Variants in CCDC126 observed in about 807,000 individuals in gnomAD.
CCDC126 encodes the protein coiled-coil domain containing 126.
Under a neutral mutation model 11.7 loss-of-function variants are expected in CCDC126, and 5 were observed. The ratio of observed to expected loss-of-function variants is 0.43; its 90% CI spans 0.22 to 0.90. The LOEUF is 0.90. Ranked by LOEUF, CCDC126 falls within the 40% of genes least tolerant of loss-of-function variation. The probability of loss-of-function intolerance (pLI) is 0.27; values close to 1 mark genes in which losing one functional copy is unlikely to be tolerated. For missense variants in CCDC126, 150 were observed against 163.1 expected (o/e 0.92, Z 0.44); for synonymous variants, 60 against 61.9 (o/e 0.97, Z 0.14).
chr7:23,619,869 A>G (rs1782860516), intron 3 of CCDC126, among the ~76,000 whole-genome samples: 1 of 151,490 alleles, frequency 6.6e-6, no homozygotes, highest in Admixed American at 6.6e-5. Flanking sequence ...GCTGAGAATG[A>G]TGGTTTCCAG....
At chr7:23,603,418 A>G (rs1782573765) in intron 2 of CCDC126, among the ~76,000 whole-genome samples, 2 of 152,258 alleles carry the variant, frequency 1.3e-5, no homozygotes, top group Non-Finnish European at 2.9e-5. Flanking sequence ...GCAAAAAAGA[A>G]CAAAACTTCA....
intron 3 of CCDC126, among the ~76,000 whole-genome samples, chr7:23,641,474 T>C (rs1783354769): frequency 6.6e-6 from 1 of 152,238 alleles, no homozygotes; most frequent in Non-Finnish European, 1.5e-5. Flanking sequence ...TTTTCTTGAT[T>C]AATGTCCTTT....
chr7:23,611,647 C>T, intron 3 of CCDC126, 94 bp downstream of exon 3: 1 of 817,664 alleles, frequency 1.2e-6, no homozygotes, highest in East Asian at 2.5e-5. Flanking sequence ...TAGGTCTTTG[C>T]AAAGTAATTT....
At chr7:23,633,473 A>G (rs893202243) in intron 3 of CCDC126, among the ~76,000 whole-genome samples, 31 of 152,116 alleles carry the variant, frequency 2.0e-4, no homozygotes, top group African/African-American at 9.7e-5. Context: ...TCTCTTTGCT[A>G]TGATATTTAG....
In CCDC126 at chr7:23,621,569, A is replaced by G. The variant is rs1367153694; in HGVS notation, c.238+10016A>G. ...CTCTTTTCCTAATTGAATACTCTTT[A>G]TTTCTTTCTCCTGCCTGATTGCCCT... is the stretch of plus-strand genomic sequence containing the variant. On this transcript the variant is annotated intron_variant, in intron 3 of 3. Coordinates refer to ENST00000307471, the MANE Select transcript of CCDC126 (RefSeq NM_138771.4). 2.6e-5 allele frequency among the ~76,000 whole-genome samples: 4 copies of G among 152,094 alleles called. No individual in the cohort carries two copies. In the South Asian group the frequency reaches 8.3e-4, roughly 32 times the overall value.
At chr7:23,625,139 T>C (rs1377782981) in intron 3 of CCDC126, among the ~76,000 whole-genome samples, 1 of 152,248 alleles carries the variant, frequency 6.6e-6, no homozygotes, top group African/African-American at 2.4e-5. Flanking sequence ...CTACTATGCC[T>C]GGCCTATTAT....
chr7:23,633,231 A>G (rs1783146446), intron 3 of CCDC126, among the ~76,000 whole-genome samples: 1 of 152,146 alleles, frequency 6.6e-6, no homozygotes, highest in Non-Finnish European at 1.5e-5. Context: ...ACCTCAGGTG[A>G]TCCGCCTGCC....
chr7:23,623,247 C>G (rs11769767), intron 3 of CCDC126, among the ~76,000 whole-genome samples: 27,805 of 151,542 alleles, frequency 0.18, 2,945 homozygotes, highest in Non-Finnish European at 0.25. Flanking sequence ...CAGGCATGAG[C>G]CACTGTGCCT....
intron 2 of CCDC126, among the ~76,000 whole-genome samples, chr7:23,605,212 G>A (rs1201427407): frequency 6.6e-6 from 1 of 152,142 alleles, no homozygotes; most frequent in Non-Finnish European, 1.5e-5. Flanking sequence ...GTTTTCCCTA[G>A]CATGGGTTTA....
chr7:23,612,692 A>G (rs1418128425), intron 3 of CCDC126, among the ~76,000 whole-genome samples: 4 of 152,038 alleles, frequency 2.6e-5, no homozygotes, highest in Non-Finnish European at 5.9e-5. Flanking sequence ...GTCTAAAAAA[A>G]TGACCTTCTT....
In CCDC126 at chr7:23,644,565, G is replaced by A. The variant is rs980514092; in HGVS notation, c.*1450G>A. The A allele has an allele frequency of 6.6e-6, 1 of 152,426 alleles. No homozygotes were observed. Among genetic ancestry groups the A allele is most frequent in the Non-Finnish European group, 1.5e-5 (1 of 67,954 alleles). The allele number at this position is 152,426 out of a possible 1,614,324, so 9.4% of individuals were successfully genotyped here. On this transcript the variant is annotated 3_prime_UTR_variant, in exon 4 of 4. Transcript: ENST00000307471. ...AAATCTCTCTTCTCTTCTCTGTACT[G>A]TCTACCTTTATGTGAAGAAATTAAT... is the stretch of plus-strand genomic sequence containing the variant.
At chr7:23,614,613 C>T (rs948070625) in intron 3 of CCDC126, among the ~76,000 whole-genome samples, 3 of 152,120 alleles carry the variant, frequency 2.0e-5, no homozygotes, top group Admixed American at 1.3e-4. Context: ...TCAGCTCTGG[C>T]CTTATGGAAT....
intron 3 of CCDC126, chr7:23,619,359 G>T: frequency 2.7e-6 from 1 of 368,836 alleles, no homozygotes. Context: ...ACACAAGGAA[G>T]TATGCAACCA....
In CCDC126 at chr7:23,608,697, C is replaced by G. The variant is rs375999103; in HGVS notation, c.-145-2474C>G. Among the ~76,000 whole-genome samples, 15 of 152,300 alleles carry G rather than the reference C, an allele frequency of 9.8e-5. No individual in the cohort carries two copies. In the East Asian group the frequency reaches 2.9e-3, roughly 29 times the overall value. ...TATCTGACTGCCCATCCTGTTAGAA[C>G]TGCCTAATGGTGGTTCTAATGGGTT... On this transcript the variant is annotated intron_variant, in intron 2 of 3. Coordinates refer to ENST00000307471, the MANE Select transcript of CCDC126 (RefSeq NM_138771.4).
intron 3 of CCDC126, chr7:23,622,438 A>AT: frequency 2.7e-6 from 1 of 371,008 alleles, no homozygotes; most frequent in South Asian, 2.1e-5. Context: ...CTCCTTTATC[A>AT]TTTTTTATTG....
chr7:23,617,280 G>A (rs987000087), intron 3 of CCDC126, among the ~76,000 whole-genome samples: 15 of 148,712 alleles, frequency 1.0e-4, no homozygotes, highest in African/African-American at 3.7e-4. Context: ...TCCAGGAGAC[G>A]GAGGTTGCAG....
chr7:23,625,649 A>ATTTTTT (rs34492140), intron 3 of CCDC126, among the ~76,000 whole-genome samples: 64 of 77,138 alleles, frequency 8.3e-4, no homozygotes, highest in African/African-American at 1.7e-3. Context: ...TATTTGACTG[A>ATTTTTT]TTTTTTTTTT....
At chr7:23,640,720 A>T (rs1270340228) in intron 3 of CCDC126, among the ~76,000 whole-genome samples, 1 of 152,156 alleles carries the variant, frequency 6.6e-6, no homozygotes, top group Middle Eastern at 3.2e-3. Context: ...TATTCTATAT[A>T]AGTGGAATTG....
intron 3 of CCDC126, among the ~76,000 whole-genome samples, chr7:23,630,397 G>A (rs987022137): frequency 4.6e-5 from 7 of 152,104 alleles, no homozygotes; most frequent in African/African-American, 1.4e-4. Flanking sequence ...TACTCAGGAG[G>A]CTGAGGTATG....
Sources: allele counts gnomAD v4.1 joint callset (sites outside exome capture counted in the v4.1 genomes callset), GRCh38; gene constraint gnomAD v4.1.1; transcripts MANE v1.5; gene names NCBI Gene and HGNC (gene_info 2026-07-23, HGNC 2026-07-21).